THADA: variants seen among roughly 807,000 people sequenced by gnomAD.
The protein encoded by THADA is THADA armadillo repeat containing.
In THADA, 213 loss-of-function variants were observed where a neutral mutation model predicts 219.8. That is an observed-to-expected ratio of 0.97 (90% CI 0.87 to 1.09). The LOEUF (loss-of-function observed/expected upper bound fraction) is 1.09, where lower values mean the gene tolerates loss of function less well. THADA is among the 50% of genes least tolerant of loss of function. THADA has a pLI of 0.00. For missense variants in THADA, 2,956 were observed against 2,311.3 expected (o/e 1.28, Z -5.72); for synonymous variants, 1,018 against 828.9 (o/e 1.23, Z -3.92).
chr2:43,235,964 G>A (rs1371396851), intron 36 of THADA, among the ~76,000 whole-genome samples: 5 of 151,998 alleles, frequency 3.3e-5, no homozygotes, highest in African/African-American at 1.2e-4. Flanking sequence ...CCGCCACCAC[G>A]CCCGGCTAAA....
intron 24 of THADA, 114 bp from the exon 25 acceptor site, chr2:43,499,069 G>A (rs1443902856): frequency 2.2e-5 from 25 of 1,115,140 alleles, no homozygotes; most frequent in Admixed American, 9.9e-5. Flanking sequence ...TACAAGAAAT[G>A]GATAATCCGC....
At chr2:43,374,526 A>G (rs1329884784) in intron 29 of THADA, among the ~76,000 whole-genome samples, 1 of 152,224 alleles carries the variant, frequency 6.6e-6, no homozygotes, top group Admixed American at 6.5e-5. Flanking sequence ...GAAGTCAATC[A>G]TTTTCAAAAG....
At chr2:43,514,892 A>C (rs1292459892) in intron 22 of THADA, among the ~76,000 whole-genome samples, 1 of 84,094 alleles carries the variant, frequency 1.2e-5, no homozygotes, top group African/African-American at 5.0e-5. Context: ...TATAATATAT[A>C]TTTTATGTAT....
In THADA at chr2:43,253,625, G is replaced by C. The variant is rs569400910; in HGVS notation, c.5297-20743C>G. ...TGGGTCTTCGTTATTCCCTTTGCTA[G>C]CTCCCCTTCCAAACTGCTACGATGG... On this transcript the variant is annotated intron_variant, in intron 36 of 37. Coordinates refer to ENST00000405975, the MANE Select transcript of THADA (RefSeq NM_022065.5). Among the ~76,000 whole-genome samples the C allele has an allele frequency of 3.3e-5, 5 of 152,124 alleles. No homozygotes were observed. The East Asian group carries it at 9.7e-4, about 29-fold the overall frequency.
chr2:43,561,401 G>A (rs1466536186), intron 15 of THADA, among the ~76,000 whole-genome samples: 1 of 152,112 alleles, frequency 6.6e-6, no homozygotes, highest in Admixed American at 6.6e-5. Context: ...AGCCAACCAA[G>A]GGATGAAAAG....
intron 4 of THADA, among the ~76,000 whole-genome samples, chr2:43,590,007 T>C (rs1340814340): frequency 1.3e-5 from 2 of 152,116 alleles, no homozygotes; most frequent in Non-Finnish European, 2.9e-5. Flanking sequence ...TTTACAGATA[T>C]ATATAAAAAA....
chr2:43,291,719 G>T lies in THADA; in HGVS notation c.4987C>A (p.His1663Asn). Residue 1663 changes from histidine (H) to asparagine (N), a missense_variant, in exon 34 of 38, where the codon CAC becomes AAC. Transcript: ENST00000405975. Reference protein sequence around the residue: ...ALRLASKVISHHMQTCVENRE... With the variant: ...ALRLASKVISNHMQTCVENRE... ...ACCTCCACACATGTCTGCATGTGGT[G>T]GGAAATGACTTTGGAAGCAAGTCTC... The T allele has an allele frequency of 1.3e-6, 2 of 1,557,446 alleles. No individual in the cohort carries two copies. The highest frequency in any genetic ancestry group is 2.4e-5 in the East Asian group (1 of 42,356).
chr2:43,297,630 C>A (rs1281294654), intron 31 of THADA, among the ~76,000 whole-genome samples: 1 of 103,380 alleles, frequency 9.7e-6, no homozygotes, highest in African/African-American at 5.3e-5. Context: ...CCAGCCCCCC[C>A]GTCCGGGAGG....
chr2:43,259,326 C>T (rs879823051), intron 36 of THADA, among the ~76,000 whole-genome samples: 1 of 152,222 alleles, frequency 6.6e-6, no homozygotes, highest in Non-Finnish European at 1.5e-5. Flanking sequence ...AGTCTTGATC[C>T]ATGAATGCTG....
intron 30 of THADA, among the ~76,000 whole-genome samples, chr2:43,339,675 C>T (rs1666859937): frequency 6.6e-6 from 1 of 152,064 alleles, no homozygotes; most frequent in Non-Finnish European, 1.5e-5. Context: ...CTTTTATAAC[C>T]AAAGAAGGAG....
intron 29 of THADA, among the ~76,000 whole-genome samples, chr2:43,386,356 CAG>C (rs918385468): frequency 9.2e-5 from 14 of 151,648 alleles, no homozygotes; most frequent in African/African-American, 2.9e-4. Context: ...TTGTCCAAAA[CAG>C]AGAGCCTTCA....
intron 20 of THADA, among the ~76,000 whole-genome samples, chr2:43,547,503 C>T (rs1179834490): frequency 6.6e-6 from 1 of 152,198 alleles, no homozygotes; most frequent in Non-Finnish European, 1.5e-5. Flanking sequence ...TCAGGTACAC[C>T]AATCAGACAT....
At chr2:43,350,048 T>C (rs1415960398) in intron 29 of THADA, among the ~76,000 whole-genome samples, 2 of 152,218 alleles carry the variant, frequency 1.3e-5, no homozygotes, top group Non-Finnish European at 2.9e-5. Flanking sequence ...CTTAAATAAA[T>C]GATCTATGCT....
At chr2:43,548,109 T>C (rs1696277972) in intron 20 of THADA, among the ~76,000 whole-genome samples, 1 of 152,208 alleles carries the variant, frequency 6.6e-6, no homozygotes, top group Non-Finnish European at 1.5e-5. Context: ...TGCAGGTCTG[T>C]TGGAGTTTGC....
intron 26 of THADA, among the ~76,000 whole-genome samples, chr2:43,451,581 T>C (rs981584316): frequency 3.9e-5 from 6 of 152,186 alleles, no homozygotes; most frequent in African/African-American, 1.2e-4. Context: ...GAGGCATTAG[T>C]AAATATTTGC....
rs1228630653 is a variant in THADA at position 43,231,180 on chromosome 2, T to C, written c.5630A>G (p.Glu1877Gly). ...MLCHLQRMVSEQCHLLSQFFR... is the reference protein window; with the variant it reads ...MLCHLQRMVSGQCHLLSQFFR... ...GAACTGAGACAGGAGGTGGCACTGC[T>C]CTGACACCATCCTTTGAAGGTGACA... is the stretch of plus-strand genomic sequence containing the variant. Residue 1877 changes from glutamate to glycine, a missense_variant, in exon 38 of 38, where the codon GAG (glutamate) becomes GGG (glycine). Transcript: ENST00000405975. 1.2e-6 allele frequency: 2 copies of C among 1,613,820 alleles called. No homozygotes were observed. Among genetic ancestry groups the C allele is most frequent in the Non-Finnish European group, 1.7e-6 (2 of 1,179,810 alleles).
At chr2:43,234,096 G>A (rs892819390) in intron 36 of THADA, among the ~76,000 whole-genome samples, 4 of 152,212 alleles carry the variant, frequency 2.6e-5, no homozygotes, top group Admixed American at 2.0e-4. Context: ...GGCCTAGTGA[G>A]TGCCAGGCCC....
At chr2:43,439,394 G>A (rs1015488737) in intron 26 of THADA, among the ~76,000 whole-genome samples, 1 of 152,140 alleles carries the variant, frequency 6.6e-6, no homozygotes, top group Non-Finnish European at 1.5e-5. Flanking sequence ...TATAAATTAT[G>A]AGTAGGGTGA....
chr2:43,233,426 G>A (rs1038202480), intron 36 of THADA: 1 of 152,372 alleles, frequency 6.6e-6, no homozygotes, highest in Non-Finnish European at 1.5e-5. Context: ...TTGTGGCTGT[G>A]TTCCAATAAA....
Sources: gnomAD v4.1 joint callset for allele counts (sites outside exome capture counted in the v4.1 genomes callset) on GRCh38, gnomAD v4.1.1 for gene constraint, MANE v1.5 for transcripts, NCBI Gene and HGNC (gene_info 2026-07-23, HGNC 2026-07-21) for gene names.